RBM14: variants seen among roughly 807,000 people sequenced by gnomAD.
RBM14 encodes the protein RNA-binding protein 14.
Under a neutral mutation model 52.8 loss-of-function variants are expected in RBM14, and 5 were observed. That is an observed-to-expected ratio of 0.09 (90% confidence interval 0.05 to 0.20). The LOEUF is 0.20. Ranked by LOEUF, RBM14 falls within the 10% of genes least tolerant of loss-of-function variation. The probability of loss-of-function intolerance (pLI) is 1.00; values close to 1 mark genes in which losing one functional copy is unlikely to be tolerated. For missense variants in RBM14, 780 were observed against 926.6 expected (o/e 0.84, Z 2.05); for synonymous variants, 411 against 401.8 (o/e 1.02, Z -0.28).
In RBM14 at chr11:66,624,159, C is replaced by G. The variant is rs772451036; in HGVS notation, c.338-55C>G. On this transcript the variant is annotated intron_variant, in intron 1 of 2. Coordinates refer to ENST00000310137, the MANE Select transcript of RBM14 (RefSeq NM_006328.4). This position sits in a 1 kb window ranked among gnomAD's most constrained non-coding sequence, Gnocchi z 4.7. ...GTTGTGTGTCCAATTTGGGACCCAT[C>G]AGGTAGCATGCCCTGCCCCCCTAAT... 2.6e-4 allele frequency: 407 copies of G among 1,541,686 alleles called. No homozygotes were observed. Among genetic ancestry groups the G allele is most frequent in the Non-Finnish European group, 3.4e-4 (389 of 1,142,720 alleles).
Position 66,624,466 on chromosome 11 carries a change from G to T in RBM14, c.590G>T (p.Gly197Val). 1 of 1,613,618 alleles carries T rather than the reference G, an allele frequency of 6.2e-7. No individual in the cohort carries two copies. The highest frequency in any genetic ancestry group is 8.5e-7 in the Non-Finnish European group (1 of 1,179,584). The change falls in exon 2 of 3, where the codon GGC becomes GTC. Residue 197 changes from glycine to valine, a missense_variant. Gly to Val is a moderately radical substitution (Grantham distance 109). This residue lies in a region of RBM14 where 675 missense variants were observed against 697.3 expected (regional missense o/e 0.97). Coordinates refer to ENST00000310137, the MANE Select transcript of RBM14 (RefSeq NM_006328.4). This position sits in a 1 kb window ranked among gnomAD's most constrained non-coding sequence, Gnocchi z 4.7. ...YQQAFGNSTG[G>V]FDGQARQPTP... ...CAGGCTTTTGGCAACAGCACTGGTG[G>T]CTTTGATGGGCAAGCCCGTCAGCCC...
At chr11:66,617,099 C>G in intron 1 of RBM14, 42 bp downstream of exon 1, 1 of 1,542,670 alleles carries the variant, frequency 6.5e-7, no homozygotes, top group Non-Finnish European at 8.7e-7. Flanking sequence ...GCGCTCGGGG[C>G]ACTCTGCCTG....
rs1176854135 is a variant in RBM14 at position 66,629,693 on chromosome 11, T to A, written c.*3025T>A. Among the ~76,000 whole-genome samples, 1 of 152,132 alleles carries A rather than the reference T, an allele frequency of 6.6e-6. No individual in the cohort carries two copies. Among genetic ancestry groups the A allele is most frequent in the Non-Finnish European group, 1.5e-5 (1 of 68,024 alleles). ...ACAATCTATAGGTACCTTTGAAAGG[T>A]CATAAAGGGTAAAAGTCTATAGTTT... is the stretch of plus-strand genomic sequence containing the variant. On this transcript the variant is annotated 3_prime_UTR_variant, in exon 3 of 3. Transcript: ENST00000310137.
At position 66,624,683 on chromosome 11, in the gene RBM14, G is replaced by C. The variant is rs1937704651; in HGVS notation, c.807G>C (p.Gln269His). Residue 269 changes from glutamine (Q) to histidine (H), a missense_variant, in exon 2 of 3, where the codon CAG (glutamine) becomes CAC (histidine). Physicochemically the swap from Gln to His is conservative, Grantham distance 24 (BLOSUM62 0). Coordinates refer to ENST00000310137, the MANE Select transcript of RBM14 (RefSeq NM_006328.4). The surrounding 1 kb of genome is among the most constrained non-coding windows in gnomAD (Gnocchi z 4.7). ...VGYRTQPMTA[Q>H]AASYRAQPSV... Reference sequence around the variant, plus strand: ...ATCGGACTCAGCCCATGACAGCCCAGGCAGCCTCTTACCGCGCTCAGCCCT... The same window carrying C: ...ATCGGACTCAGCCCATGACAGCCCACGCAGCCTCTTACCGCGCTCAGCCCT... 6.2e-7 allele frequency: 1 copy of C among 1,613,680 alleles called. No individual in the cohort carries two copies. Among genetic ancestry groups the C allele is most frequent in the South Asian group, 1.1e-5 (1 of 91,082 alleles).
chr11:66,622,113 A>G (rs980631776), intron 1 of RBM14, among the ~76,000 whole-genome samples: 2 of 151,798 alleles, frequency 1.3e-5, no homozygotes, highest in African/African-American at 4.8e-5. Context: ...ACGTGGTTTC[A>G]CCATGTTGGC....
At position 66,627,518 on chromosome 11, in the gene RBM14, G is replaced by A. The variant is rs1398485406; in HGVS notation, c.*850G>A. 2.6e-5 allele frequency among the ~76,000 whole-genome samples: 4 copies of A among 152,192 alleles called. No individual in the cohort carries two copies. The highest frequency in any genetic ancestry group is 2.1e-4 in the South Asian group (1 of 4,830). On this transcript the variant is annotated 3_prime_UTR_variant, in exon 3 of 3. Transcript: ENST00000310137. ...GCCCAGAAGGATTTAGCTCATCGTC[G>A]TCCTGCTAGCCTGCCATCTTTCAGA...
Position 66,628,553 on chromosome 11 carries a change from C to T in RBM14, c.*1885C>T, listed in dbSNP as rs1937920710. 6.6e-6 allele frequency among the ~76,000 whole-genome samples: 1 copy of T among 152,128 alleles called. No homozygotes were observed. Among genetic ancestry groups the T allele is most frequent in the Non-Finnish European group, 1.5e-5 (1 of 68,020 alleles). On this transcript the variant is annotated 3_prime_UTR_variant, in exon 3 of 3. Coordinates refer to ENST00000310137, the MANE Select transcript of RBM14 (RefSeq NM_006328.4). ...CTCAGGGAGTACTGGGGCCATGGCT[C>T]TTTCCCTTGCTTCTCTTTCTGCTCA...
Position 66,626,535 on chromosome 11 carries a change from G to A in RBM14, c.1877G>A (p.Arg626His), listed in dbSNP as rs577465036. 6.8e-6 allele frequency: 11 copies of A among 1,613,882 alleles called. 1 individual carries two copies. The highest frequency in any genetic ancestry group is 1.6e-4 in the Middle Eastern group (1 of 6,062). ...RLSESQLSFR[R>H]SPTKSSLDYR... ...TCAGAGTCGCAGCTTTCGTTCCGCC[G>A]CTCGCCGACAAAGTCCTCGCTGGAT... is the stretch of plus-strand genomic sequence containing the variant. The change falls in exon 3 of 3, where the codon CGC becomes CAC. Residue 626 changes from arginine to histidine, a missense_variant. This residue lies in a region of RBM14 where 675 missense variants were observed against 697.3 expected (regional missense o/e 0.97). Transcript: ENST00000310137.
chr11:66,626,715 T>G lies in RBM14; in HGVS notation c.*47T>G, dbSNP rs1590849395. 6.6e-7 allele frequency: 1 copy of G among 1,506,352 alleles called. No homozygotes were observed. The highest frequency in any genetic ancestry group is 2.4e-5 in the East Asian group (1 of 42,152). The allele number at this position is 1,506,352 out of a possible 1,614,324, so 93.3% of individuals were successfully genotyped here. A position where few individuals can be genotyped will look rare whatever the true frequency, so the allele number is the denominator to read the frequency against. On this transcript the variant is annotated 3_prime_UTR_variant, in exon 3 of 3. Transcript: ENST00000310137. ...CACAGGGAGGGAGGGAGAAAAGAGGTGGGTAGGGTTACAGATCCAGGTTAT... is the reference window on the plus strand; with the variant it reads ...CACAGGGAGGGAGGGAGAAAAGAGGGGGGTAGGGTTACAGATCCAGGTTAT...
Position 66,625,510 on chromosome 11 carries a change from G to A in RBM14, c.1634G>A (p.Gly545Asp). The change falls in exon 2 of 3, where the codon GGC becomes GAC. Residue 545 changes from glycine to aspartate, a missense_variant. This residue lies in a region of RBM14 where 675 missense variants were observed against 697.3 expected (regional missense o/e 0.97). Coordinates refer to ENST00000310137, the MANE Select transcript of RBM14 (RefSeq NM_006328.4). The surrounding 1 kb of genome is among the most constrained non-coding windows in gnomAD (Gnocchi z 4.2). The part of the protein sequence containing the change: ...QAAASYRGQP[G>D]NAYDGAGQPS... ...GCTGCCTCCTACCGCGGCCAGCCAG[G>A]CAATGCCTACGATGGGGCAGGTCAG... The A allele has an allele frequency of 6.2e-7, 1 of 1,612,854 alleles. No homozygotes were observed. The highest frequency in any genetic ancestry group is 2.2e-5 in the East Asian group (1 of 44,836).
rs1424232400 is a variant in RBM14, at chr11:66,626,745, A to T, written c.*77A>T. ...AGGGTTACAGATCCAGGTTATAACT[A>T]CTCTGGCCCATACCTTTCCTGGTTG... is the stretch of plus-strand genomic sequence containing the variant. On this transcript the variant is annotated 3_prime_UTR_variant, in exon 3 of 3. Transcript: ENST00000310137. 1 of 1,344,594 alleles carries T rather than the reference A, an allele frequency of 7.4e-7. No individual in the cohort carries two copies. The highest frequency in any genetic ancestry group is 1.5e-5 in the African/African-American group (1 of 68,416). The allele number at this position is 1,344,594 out of a possible 1,614,324, so 83.3% of individuals were successfully genotyped here.
In RBM14 at chr11:66,628,890, CAG is replaced by C. The variant is rs1487032898; in HGVS notation, c.*2223_*2224del. ...TGCAAAAAACAGCTAAATGTGCTCT[CAG>C]GGCCAGTGGTGATGTTCTGTGTTGC... On this transcript the variant is annotated 3_prime_UTR_variant, in exon 3 of 3. Transcript: ENST00000310137. 2.6e-5 allele frequency among the ~76,000 whole-genome samples: 4 copies of C among 152,196 alleles called. No individual in the cohort carries two copies. The highest frequency in any genetic ancestry group is 5.9e-5 in the Non-Finnish European group (4 of 68,036).
intron 1 of RBM14, among the ~76,000 whole-genome samples, chr11:66,618,768 C>T (rs1272896993): frequency 6.6e-6 from 1 of 152,108 alleles, no homozygotes; most frequent in African/African-American, 2.4e-5. Context: ...GGGACAGTCT[C>T]CCTGGAACTC....
In RBM14 at chr11:66,625,096, C is replaced by T. The variant is rs764529837; in HGVS notation, c.1220C>T (p.Ser407Leu). ...AQAASYNAQP[S>L]ASYNAQSAPY... Reference sequence around the variant, plus strand: ...GCAGCTTCATATAATGCCCAGCCCTCGGCCTCTTACAATGCCCAGTCTGCC... The same window carrying T: ...GCAGCTTCATATAATGCCCAGCCCTTGGCCTCTTACAATGCCCAGTCTGCC... The change falls in exon 2 of 3, where the codon TCG (serine) becomes TTG (leucine). Residue 407 changes from serine (S) to leucine (L), a missense_variant. Physicochemically the swap from Ser to Leu is moderately radical, Grantham distance 145. Coordinates refer to ENST00000310137, the MANE Select transcript of RBM14 (RefSeq NM_006328.4). The surrounding 1 kb of genome is among the most constrained non-coding windows in gnomAD (Gnocchi z 4.2). The T allele has an allele frequency of 2.0e-5, 33 of 1,613,362 alleles. 1 individual carries two copies. Among genetic ancestry groups the T allele is most frequent in the South Asian group, 9.9e-5 (9 of 91,078 alleles).
chr11:66,624,952 G>A lies in RBM14; in HGVS notation c.1076G>A (p.Arg359His). 2 of 1,613,766 alleles carry A rather than the reference G, an allele frequency of 1.2e-6. No individual in the cohort carries two copies. The highest frequency in any genetic ancestry group is 1.7e-6 in the Non-Finnish European group (2 of 1,179,932). ...GAQAASSYGV[R>H]AAASSYNTQG... Reference sequence around the variant, plus strand: ...CAGGCTGCCTCTTCCTATGGGGTTCGTGCAGCTGCTTCTTCCTACAACACC... The same window carrying A: ...CAGGCTGCCTCTTCCTATGGGGTTCATGCAGCTGCTTCTTCCTACAACACC... The change falls in exon 2 of 3, where the codon CGT becomes CAT. Residue 359 changes from arginine to histidine, a missense_variant. Physicochemically the swap from Arg to His is conservative, Grantham distance 29. Coordinates refer to ENST00000310137, the MANE Select transcript of RBM14 (RefSeq NM_006328.4). This position sits in a 1 kb window ranked among gnomAD's most constrained non-coding sequence, Gnocchi z 4.7.
At chr11:66,621,093 C>T (rs1859086927) in intron 1 of RBM14, among the ~76,000 whole-genome samples, 1 of 151,920 alleles carries the variant, frequency 6.6e-6, no homozygotes, top group Non-Finnish European at 1.5e-5. Flanking sequence ...GTAGTCTTGA[C>T]CTCCTGAGCT....
chr11:66,622,715 C>T (rs780724251), intron 1 of RBM14, among the ~76,000 whole-genome samples: 13 of 152,134 alleles, frequency 8.5e-5, no homozygotes, highest in Non-Finnish European at 1.9e-4. Flanking sequence ...ATGACTTGTT[C>T]TGTAGGAGCA....
At chr11:66,617,560 C>T in intron 1 of RBM14, 1 of 989,312 alleles carries the variant, frequency 1.0e-6, no homozygotes. Context: ...GGTAACGGGG[C>T]CCTTGGACGT....
At chr11:66,626,026 C>T (rs570564769) in intron 2 of RBM14, among the ~76,000 whole-genome samples, 6 of 152,314 alleles carry the variant, frequency 3.9e-5, no homozygotes, top group Admixed American at 2.0e-4. Flanking sequence ...GTTGTCCTGG[C>T]TTTGGCAGGG....
Sources: gnomAD v4.1 joint callset for allele counts (sites outside exome capture counted in the v4.1 genomes callset) on GRCh38, gnomAD v4.1.1 for gene constraint, gnomAD v4.1.1 regional missense constraint, Gnocchi (gnomAD v3.1) non-coding constraint, MANE v1.5 for transcripts, NCBI Gene and HGNC (gene_info 2026-07-23, HGNC 2026-07-21) for gene names.